The following NOS1 variants were observed in gnomAD, a reference collection of about 807,000 sequenced individuals.
The protein encoded by NOS1 is nitric oxide synthase 1.
In NOS1, 51 loss-of-function variants were observed where a neutral mutation model predicts 164.5. The ratio of observed to expected loss-of-function variants is 0.31; its 90% CI spans 0.25 to 0.39. NOS1 has a LOEUF of 0.39. Among genes scored for constraint, NOS1 ranks in the 10% least tolerant of loss-of-function variants. NOS1 has a pLI of 1.00. For synonymous variants in NOS1, 719 were observed against 745.8 expected, an observed-to-expected ratio of 0.96 and a Z score of 0.59; for missense variants, 1,362 against 1,885.6, an observed-to-expected ratio of 0.72 and a Z score of 5.14.
At chr12:117,324,456 AC>A (rs1875140960) in intron 2 of NOS1, among the ~76,000 whole-genome samples, 1 of 152,152 alleles carries the variant, frequency 6.6e-6, no homozygotes, top group South Asian at 2.1e-4. Flanking sequence ...CCAGCCAGGC[AC>A]GGTGGCTCAC....
At chr12:117,305,425 T>C (rs1874088604) in intron 3 of NOS1, among the ~76,000 whole-genome samples, 1 of 151,242 alleles carries the variant, frequency 6.6e-6, no homozygotes, top group African/African-American at 2.4e-5. Context: ...GATCGCGTCA[T>C]TGCACTCTTG....
rs774988705 is a variant in NOS1, at chr12:117,243,343, G to A, written c.2916C>T (p.Asn972=). The A allele has an allele frequency of 4.3e-6, 7 of 1,614,048 alleles. No homozygotes were observed. The highest frequency in any genetic ancestry group is 5.9e-6 in the Non-Finnish European group (7 of 1,180,032). The change falls in exon 19 of 29, where the codon AAC becomes AAT. Residue 972 remains asparagine (N), a synonymous_variant. Coordinates refer to ENST00000317775, the MANE Select transcript of NOS1 (RefSeq NM_000620.5). The surrounding 1 kb of genome is among the most constrained non-coding windows in gnomAD (Gnocchi z 4.3). ...CGGCCACAAAGGTGAGGCGGAACTT[G>A]TTTCTCTTCCAGCTGCGATCATTGC... ...LISNDRSWKR[N]KFRLTFVAEA...
In NOS1 at chr12:117,221,802, C is replaced by T. The variant is rs144790808; in HGVS notation, c.3975+913G>A. 4.1e-3 allele frequency among the ~76,000 whole-genome samples: 603 copies of T among 147,796 alleles called. 2 individuals are homozygous for T. The highest frequency in any genetic ancestry group is 6.4e-3 in the Non-Finnish European group (434 of 67,592). On this transcript the variant is annotated intron_variant, in intron 26 of 28. Transcript: ENST00000317775. ...CTGGGACCACAGTCATACGCCACCA[C>T]GCCCAGCTAACTTAAATTTTTTTTT...
chr12:117,214,412 A>G lies in NOS1; in HGVS notation c.*897T>C, dbSNP rs1398212865. ...ATAACTTCCAGGCCCCTTGGATGCT[A>G]TTGCTGGAGGAGGGGGTCAGTCAAT... On this transcript the variant is annotated 3_prime_UTR_variant, in exon 29 of 29. Transcript: ENST00000317775. The G allele has an allele frequency of 1.7e-5, 17 of 983,222 alleles. No individual in the cohort carries two copies. In the South Asian group the frequency reaches 6.6e-4, roughly 38 times the overall value. 60.9% of individuals were successfully genotyped at this position (983,222 alleles called of 1,614,324 possible).
chr12:117,325,267 C>T (rs1165277422), intron 2 of NOS1, among the ~76,000 whole-genome samples: 2 of 152,298 alleles, frequency 1.3e-5, no homozygotes, highest in African/African-American at 2.4e-5. Context: ...GTGCTCTAAG[C>T]GGCTTGAATC....
intron 2 of NOS1, among the ~76,000 whole-genome samples, chr12:117,328,448 C>T (rs1199366923): frequency 6.6e-6 from 1 of 152,180 alleles, no homozygotes; most frequent in Non-Finnish European, 1.5e-5. Context: ...GGATTATAGG[C>T]GTGAGCCACC....
intron 1 of NOS1, among the ~76,000 whole-genome samples, chr12:117,333,777 T>C (rs1054182916): frequency 6.6e-6 from 1 of 152,186 alleles, no homozygotes; most frequent in African/African-American, 2.4e-5. Flanking sequence ...TTTCGGCATC[T>C]TGCTGCTGGG....
Position 117,209,092 on chromosome 12 carries a change from T to C in NOS1, c.*6217A>G. 1.0e-6 allele frequency: 1 copy of C among 985,400 alleles called. No individual in the cohort carries two copies. Among genetic ancestry groups the C allele is most frequent in the Non-Finnish European group, 1.2e-6 (1 of 829,936 alleles). The allele number at this position is 985,400 out of a possible 1,614,324, so 61.0% of individuals were successfully genotyped here. A position where few individuals can be genotyped will look rare whatever the true frequency, so the allele number is the denominator to read the frequency against. On this transcript the variant is annotated 3_prime_UTR_variant, in exon 29 of 29. Coordinates refer to ENST00000317775, the MANE Select transcript of NOS1 (RefSeq NM_000620.5). Reference sequence around the variant, plus strand: ...CCCCGGACACCCTCAAATCCCACTTTGGCAGCAGATAATGGAAACAACCAC... The same window carrying C: ...CCCCGGACACCCTCAAATCCCACTTCGGCAGCAGATAATGGAAACAACCAC...
chr12:117,256,296 T>TTTTTTTTTTTTTTTTTTA (rs1871449297), intron 16 of NOS1, among the ~76,000 whole-genome samples: 3 of 149,684 alleles, frequency 2.0e-5, no homozygotes, highest in Admixed American at 6.7e-5. Flanking sequence ...TTTTTTTTTT[T>TTTTTTTTTTTTTTTTTTA]GAGACGGAGT....
intron 1 of NOS1, among the ~76,000 whole-genome samples, chr12:117,341,069 G>C (rs1010358763): frequency 4.6e-5 from 7 of 151,906 alleles, no homozygotes; most frequent in Non-Finnish European, 7.4e-5. Context: ...CATAGACTAG[G>C]TAAGTGCCCA....
Position 117,260,571 on chromosome 12 carries a change from A to G in NOS1, c.2261T>C (p.Met754Thr), listed in dbSNP as rs754399615. ...KFSAKLMGQA[M>T]AKRVKATILY... ...GATGGTCGCTTTCACCCTCTTGGCC[A>G]TAGCCTGCCCCATCAGCTTGGCCGA... Residue 754 changes from methionine (M) to threonine (T), a missense_variant, in exon 14 of 29, where the codon ATG becomes ACG. Met to Thr is a moderately conservative substitution (Grantham distance 81). Transcript: ENST00000317775. 6.2e-7 allele frequency: 1 copy of G among 1,614,018 alleles called. No individual in the cohort carries two copies. The highest frequency in any genetic ancestry group is 8.5e-7 in the Non-Finnish European group (1 of 1,179,936).
At position 117,330,794 on chromosome 12, in the gene NOS1, G is replaced by A. The variant is rs76980269; in HGVS notation, c.276C>T (p.His92=). 2.5e-5 allele frequency: 41 copies of A among 1,613,948 alleles called. No individual in the cohort carries two copies. Among genetic ancestry groups the A allele is most frequent in the Admixed American group, 3.3e-5 (2 of 60,010 alleles). ...EVLRGIASET[H]VVLILRGPEG... ...CAGGGCCCCTCAGAATGAGGACCAC[G>A]TGGGTCTCAGAGGCAATGCCTCTGA... The change falls in exon 2 of 29, where the codon CAC becomes CAT. Residue 92 remains histidine (H), a synonymous_variant. Coordinates refer to ENST00000317775, the MANE Select transcript of NOS1 (RefSeq NM_000620.5). The surrounding 1 kb of genome is among the most constrained non-coding windows in gnomAD (Gnocchi z 4.6).
intron 2 of NOS1, among the ~76,000 whole-genome samples, chr12:117,314,205 T>C (rs1056306781): frequency 1.3e-5 from 2 of 152,228 alleles, no homozygotes; most frequent in Non-Finnish European, 2.9e-5. Flanking sequence ...TTTTACCCTT[T>C]AAAATGTCAC....
chr12:117,347,307 A>G (rs1031842827), intron 1 of NOS1, among the ~76,000 whole-genome samples: 1 of 151,936 alleles, frequency 6.6e-6, no homozygotes, highest in African/African-American at 2.4e-5. Context: ...GAAAAAAAAA[A>G]AAAGAAAAAT....
In NOS1 at chr12:117,281,818, G is replaced by C. The variant is rs566959641; in HGVS notation, c.1383-952C>G. ...GCACTCCAGCCTGGCAACAGAGCAA[G>C]ACTCCCATCTCAAAAAAAGAAAAAA... On this transcript the variant is annotated intron_variant, in intron 7 of 28. Transcript: ENST00000317775. Among the ~76,000 whole-genome samples, 294 of 128,044 alleles carry C rather than the reference G, an allele frequency of 2.3e-3. 1 individual carries two copies. Among genetic ancestry groups the C allele is most frequent in the African/African-American group, 8.5e-3 (281 of 33,118 alleles). 84.0% of individuals were successfully genotyped at this position (128,044 alleles called of 152,430 possible). A position where few individuals can be genotyped will look rare whatever the true frequency, so the allele number is the denominator to read the frequency against.
intron 1 of NOS1, among the ~76,000 whole-genome samples, chr12:117,344,919 G>C (rs1308258461): frequency 6.6e-6 from 1 of 152,156 alleles, no homozygotes; most frequent in Non-Finnish European, 1.5e-5. Flanking sequence ...CAGGCTCATA[G>C]TCAGGAAAGG....
In NOS1 at chr12:117,272,567, G is replaced by T; in HGVS notation, c.1665-8C>A. ...TCCTTGAACCACTCAAACCTGCAGG[G>T]AGCAACAGGGCCCAGCTCACCCGGA... On this transcript the variant is annotated splice_region_variant and splice_polypyrimidine_tract_variant and intron_variant, in intron 9 of 28. Transcript: ENST00000317775. The surrounding 1 kb of genome is among the most constrained non-coding windows in gnomAD (Gnocchi z 4.3). The T allele has an allele frequency of 1.2e-6, 2 of 1,611,260 alleles. No homozygotes were observed. The highest frequency in any genetic ancestry group is 1.7e-6 in the Non-Finnish European group (2 of 1,178,716).
chr12:117,288,639 G>C (rs1383673378), intron 4 of NOS1, among the ~76,000 whole-genome samples: 1 of 152,126 alleles, frequency 6.6e-6, no homozygotes, highest in African/African-American at 2.4e-5. Flanking sequence ...TTTGAGATGT[G>C]GCTTTACAAC....
intron 3 of NOS1, chr12:117,302,192 G>A: frequency 2.4e-6 from 1 of 418,880 alleles, no homozygotes; most frequent in Non-Finnish European, 4.8e-6. Context: ...AGGTCCTGTT[G>A]TTATGGTTGA....
Sources: gnomAD v4.1 joint callset for allele counts (sites outside exome capture counted in the v4.1 genomes callset) on GRCh38, gnomAD v4.1.1 for gene constraint, Gnocchi (gnomAD v3.1) non-coding constraint, MANE v1.5 for transcripts, NCBI Gene and HGNC (gene_info 2026-07-23, HGNC 2026-07-21) for gene names.